The following HECW1 variants were observed in gnomAD, a reference collection of about 807,000 sequenced individuals.
HECW1 encodes HECT, C2 and WW domain containing E3 ubiquitin protein ligase 1.
In HECW1, 61 loss-of-function variants were observed where a neutral mutation model predicts 182.3. The observed-to-expected ratio is 0.33, with a 90% CI of 0.27 to 0.41. The LOEUF (loss-of-function observed/expected upper bound fraction) is 0.41, where lower values mean the gene tolerates loss of function less well. Among genes scored for constraint, HECW1 ranks in the 10% least tolerant of loss-of-function variants. The probability of loss-of-function intolerance (pLI) is 1.00; values close to 1 mark genes in which losing one functional copy is unlikely to be tolerated. For missense variants in HECW1, 1,739 were observed against 2,108.9 expected (o/e 0.82, Z 3.44); for synonymous variants, 859 against 832.6 (o/e 1.03, Z -0.55).
At chr7:43,270,547 C>T (rs1326239889) in intron 3 of HECW1, among the ~76,000 whole-genome samples, 1 of 152,172 alleles carries the variant, frequency 6.6e-6, no homozygotes, top group Non-Finnish European at 1.5e-5. Flanking sequence ...CTGCTGAATT[C>T]TACTGGTCAC....
chr7:43,156,870 T>C (rs984024118), intron 2 of HECW1, among the ~76,000 whole-genome samples: 1 of 152,216 alleles, frequency 6.6e-6, no homozygotes, highest in African/African-American at 2.4e-5. Context: ...TGGGTCAAGC[T>C]GAAGCTTCCA....
intron 3 of HECW1, among the ~76,000 whole-genome samples, chr7:43,282,369 A>G (rs1428750689): frequency 1.3e-5 from 2 of 152,214 alleles, no homozygotes; most frequent in South Asian, 2.1e-4. Flanking sequence ...CTTCCCTGTG[A>G]TGCCATCCGG....
In HECW1 at chr7:43,564,217, T is replaced by C. The variant is rs189331206; in HGVS notation, c.*2291T>C. 154 of 191,754 alleles carry C rather than the reference T, an allele frequency of 8.0e-4. No individual in the cohort carries two copies. The highest frequency in any genetic ancestry group is 3.2e-3 in the African/African-American group (139 of 43,164). 11.9% of individuals were successfully genotyped at this position (191,754 alleles called of 1,614,324 possible). A position where few individuals can be genotyped will look rare whatever the true frequency, so the allele number is the denominator to read the frequency against. On this transcript the variant is annotated 3_prime_UTR_variant, in exon 30 of 30. Coordinates refer to ENST00000395891, the MANE Select transcript of HECW1 (RefSeq NM_015052.5). The stretch of plus-strand genomic sequence containing the variant: ...CAACATCTCTAATATAGGGGCATCT[T>C]TTATCTTTAGAACTTGGTGTTATAT...
At chr7:43,350,332 C>T in intron 5 of HECW1, among the ~76,000 whole-genome samples, 1 of 152,138 alleles carries the variant, frequency 6.6e-6, no homozygotes, top group Non-Finnish European at 1.5e-5. Context: ...AACCTGATGA[C>T]AGTGTGCCTA....
chr7:43,391,362 G>A (rs192720466), intron 6 of HECW1, among the ~76,000 whole-genome samples: 27 of 152,188 alleles, frequency 1.8e-4, no homozygotes, highest in Admixed American at 1.8e-3. Flanking sequence ...TCTCATTATT[G>A]GGCCACGAGA....
intron 8 of HECW1, among the ~76,000 whole-genome samples, chr7:43,428,974 G>A (rs930809433): frequency 6.6e-6 from 1 of 151,268 alleles, no homozygotes; most frequent in Non-Finnish European, 1.5e-5. Context: ...GTATATGTAT[G>A]TATACAAATA....
chr7:43,464,117 T>G (rs926384766), intron 14 of HECW1, among the ~76,000 whole-genome samples: 15 of 152,368 alleles, frequency 9.8e-5, no homozygotes, highest in Admixed American at 9.8e-4. Context: ...GCAAGGCAAC[T>G]TTGTCAGTGG....
At chr7:43,141,973 A>G (rs1364424302) in intron 2 of HECW1, among the ~76,000 whole-genome samples, 1 of 152,188 alleles carries the variant, frequency 6.6e-6, no homozygotes, top group Non-Finnish European at 1.5e-5. Context: ...TTTGGGTGCA[A>G]CTGACCTCAA....
intron 8 of HECW1, among the ~76,000 whole-genome samples, chr7:43,411,498 G>A (rs1029333465): frequency 2.6e-5 from 4 of 152,106 alleles, no homozygotes; most frequent in Non-Finnish European, 2.9e-5. Context: ...TTGAGTCAAG[G>A]TGGTTGACTG....
intron 2 of HECW1, among the ~76,000 whole-genome samples, chr7:43,200,114 A>G (rs1794893357): frequency 6.6e-6 from 1 of 152,158 alleles, no homozygotes; most frequent in African/African-American, 2.4e-5. Context: ...TCTATTTTTT[A>G]AAAGTACTAG....
In HECW1 at chr7:43,291,669, A is replaced by AACTTTTT. The variant is rs199600642; in HGVS notation, c.28-20088_28-20082dup. Among the ~76,000 whole-genome samples the AACTTTTT allele has an allele frequency of 1.1e-3, 174 of 152,354 alleles. 2 individuals carry two copies. In the East Asian group the frequency reaches 0.033, roughly 29 times the overall value. ...ACAACAAAGGAAACTTTGAAGAGGA[A>AACTTTTT]ACTTTTTACTTTCTACAGTTCTTTA... On this transcript the variant is annotated intron_variant, in intron 3 of 29. Transcript: ENST00000395891.
In HECW1 at chr7:43,444,926, C is replaced by T; in HGVS notation, c.1754C>T (p.Ala585Val). 1.3e-6 allele frequency: 2 copies of T among 1,592,902 alleles called. No homozygotes were observed. The highest frequency in any genetic ancestry group is 1.7e-6 in the Non-Finnish European group (2 of 1,168,948). Residue 585 changes from alanine to valine, a missense_variant, in exon 11 of 30, where the codon GCG (alanine) becomes GTG (valine). Ala to Val is a moderately conservative substitution (Grantham distance 64). Coordinates refer to ENST00000395891, the MANE Select transcript of HECW1 (RefSeq NM_015052.5). This position sits in a 1 kb window ranked among gnomAD's most constrained non-coding sequence, Gnocchi z 4.3. The part of the protein sequence containing the change: ...GGSAAEEEDG[A>V]EEESTLKDSS... ...AGCGCGGCAGAGGAGGAGGACGGCG[C>T]GGAGGAGGAGTCCACCCTCAAGGAC...
intron 19 of HECW1, among the ~76,000 whole-genome samples, chr7:43,495,671 A>G (rs2079091992): frequency 6.6e-6 from 1 of 152,190 alleles, no homozygotes; most frequent in Non-Finnish European, 1.5e-5. Context: ...ATGAATGGCC[A>G]CTTTCATTTA....
At chr7:43,123,839 T>C (rs954939977) in intron 2 of HECW1, among the ~76,000 whole-genome samples, 12 of 152,162 alleles carry the variant, frequency 7.9e-5, no homozygotes, top group Admixed American at 3.9e-4. Context: ...GACCAGGCCC[T>C]CCTCTCCAGA....
At chr7:43,138,702 C>T (rs770906294) in intron 2 of HECW1, among the ~76,000 whole-genome samples, 1 of 152,044 alleles carries the variant, frequency 6.6e-6, no homozygotes, top group African/African-American at 2.4e-5. Flanking sequence ...TCTTTTAGAC[C>T]AAGTGACCTA....
intron 3 of HECW1, among the ~76,000 whole-genome samples, chr7:43,279,014 T>C (rs946058210): frequency 2.0e-5 from 3 of 152,216 alleles, no homozygotes; most frequent in African/African-American, 7.2e-5. Context: ...TTACAGGAAG[T>C]CAGTTGCATA....
At position 43,114,304 on chromosome 7, in the gene HECW1, C is replaced by T. The variant is rs192070374; in HGVS notation, c.-119C>T. 3,615 of 1,362,922 alleles carry T rather than the reference C, an allele frequency of 2.7e-3. 9 individuals carry two copies. The highest frequency in any genetic ancestry group is 2.8e-3 in the Non-Finnish European group (2,893 of 1,033,958). The allele number at this position is 1,362,922 out of a possible 1,614,324, so 84.4% of individuals were successfully genotyped here. A position where few individuals can be genotyped will look rare whatever the true frequency, so the allele number is the denominator to read the frequency against. On this transcript the variant is annotated 5_prime_UTR_variant, in exon 2 of 30. Transcript: ENST00000395891. ...CGAAAAGGCCAACCGTTAAAGACCC[C>T]GGCAGTGTTGTGGTCCAAGGCGTCT... is the stretch of plus-strand genomic sequence containing the variant.
chr7:43,143,595 C>T (rs1424127895), intron 2 of HECW1, among the ~76,000 whole-genome samples: 2 of 152,108 alleles, frequency 1.3e-5, no homozygotes, highest in Non-Finnish European at 2.9e-5. Flanking sequence ...TGGATGCCTC[C>T]TTTAGATGCC....
chr7:43,364,916 G>A (rs909865655), intron 6 of HECW1, among the ~76,000 whole-genome samples: 3 of 152,040 alleles, frequency 2.0e-5, no homozygotes, highest in African/African-American at 4.8e-5. Context: ...TCTTAAATAA[G>A]CCCCATGATA....
Sources: allele counts gnomAD v4.1 joint callset (sites outside exome capture counted in the v4.1 genomes callset), GRCh38; gene constraint gnomAD v4.1.1; non-coding constraint Gnocchi (gnomAD v3.1); transcripts MANE v1.5; gene names NCBI Gene and HGNC (gene_info 2026-07-23, HGNC 2026-07-21).